WWTR1: variants seen among roughly 807,000 people sequenced by gnomAD.
WWTR1 encodes WW domain-containing transcription regulator protein 1.
A neutral mutation model predicts 40.1 loss-of-function variants in WWTR1; 13 were observed. The observed-to-expected ratio is 0.32, with a 90% CI of 0.21 to 0.52. The LOEUF is 0.52. Among genes scored for constraint, WWTR1 ranks in the 20% least tolerant of loss-of-function variants. The probability of loss-of-function intolerance (pLI) is 0.97; values close to 1 mark genes in which losing one functional copy is unlikely to be tolerated. For missense variants in WWTR1, 436 were observed against 523.1 expected (o/e 0.83, Z 1.63); for synonymous variants, 230 against 210.1 (o/e 1.09, Z -0.82).
intron 2 of WWTR1, among the ~76,000 whole-genome samples, chr3:149,625,777 C>T (rs1005213212): frequency 3.3e-5 from 5 of 150,866 alleles, no homozygotes; most frequent in Admixed American, 1.3e-4. Context: ...GGCGACACAG[C>T]GAGATTCCAA....
chr3:149,634,102 G>T (rs1259939456), intron 2 of WWTR1, among the ~76,000 whole-genome samples: 2 of 151,888 alleles, frequency 1.3e-5, no homozygotes. Context: ...AAAGATGAGA[G>T]GTCCAGAAAG....
At chr3:149,724,721 TTC>T (rs969683314) in exon 3 of WWTR1, 6 of 152,250 alleles carry the variant, frequency 3.9e-5, no homozygotes, top group African/African-American at 1.4e-4. Context: ...GTAGCCATGT[TTC>T]TCTTTCACAT....
chr3:149,686,948 T>C (rs1301021952), intron 1 of WWTR1, among the ~76,000 whole-genome samples: 2 of 152,306 alleles, frequency 1.3e-5, no homozygotes, highest in East Asian at 3.9e-4. Flanking sequence ...GCTTTACCTA[T>C]ATACTCTGTC....
chr3:149,622,815 G>A (rs948342757), intron 2 of WWTR1, among the ~76,000 whole-genome samples: 3 of 152,114 alleles, frequency 2.0e-5, no homozygotes, highest in Admixed American at 6.5e-5. Flanking sequence ...ACTTGAGCCC[G>A]AGAGGCAGAG....
chr3:149,659,350 T>TTTTTTTTTTTTTA (rs1713462576), upstream of WWTR1: 1 of 148,486 alleles, frequency 6.7e-6, no homozygotes, highest in Non-Finnish European at 1.5e-5. Flanking sequence ...TTTTTTTTTT[T>TTTTTTTTTTTTTA]GAGTGACGTC....
rs190540720 is a variant in WWTR1 at position 149,538,061 on chromosome 3, C to T, written c.771+4274G>A. 7.7e-4 allele frequency among the ~76,000 whole-genome samples: 116 copies of T among 151,450 alleles called. 1 individual carries two copies. In the Middle Eastern group the frequency reaches 0.01, roughly 13 times the overall value. ...CAGCCTCCTGAGTAGCTGAGACTAC[C>T]GGCACCCGCCATTATGTCTGGCTAA... On this transcript the variant is annotated intron_variant, in intron 4 of 6. Transcript: ENST00000360632.
chr3:149,624,996 G>A (rs191873823), intron 2 of WWTR1, among the ~76,000 whole-genome samples: 32 of 151,494 alleles, frequency 2.1e-4, no homozygotes, highest in African/African-American at 7.0e-4. Flanking sequence ...CTCCCAAAGC[G>A]CTGGGATTAT....
intron 2 of WWTR1, among the ~76,000 whole-genome samples, chr3:149,582,935 G>T (rs1346983712): frequency 6.6e-6 from 1 of 152,086 alleles, no homozygotes; most frequent in Non-Finnish European, 1.5e-5. Context: ...GTAGAGAAAA[G>T]ATGAGACGCT....
In WWTR1 at chr3:149,702,027, C is replaced by T. The variant is rs187891189; in HGVS notation, c.-108+1097G>A. The T allele has an allele frequency of 1.0e-4, 17 of 169,748 alleles. No individual in the cohort carries two copies. In the East Asian group the frequency reaches 1.8e-3, roughly 18 times the overall value. The allele number at this position is 169,748 out of a possible 1,614,324, so 10.5% of individuals were successfully genotyped here. On this transcript the variant is annotated intron_variant, in intron 1 of 7. Coordinates refer to the WWTR1 transcript ENST00000465804. ...TCTCCCTTAAAATTGGTTTCAACTC[C>T]TCCTGCAAATAAAATAAATGAAGTG...
intron 1 of WWTR1, among the ~76,000 whole-genome samples, chr3:149,677,990 C>T (rs543600509): frequency 6.6e-6 from 1 of 151,462 alleles, no homozygotes; most frequent in Admixed American, 6.6e-5. Context: ...AGGCTGATCT[C>T]GAACTCCTGA....
At chr3:149,668,816 A>C (rs1418084848) in intron 2 of WWTR1, among the ~76,000 whole-genome samples, 1 of 152,150 alleles carries the variant, frequency 6.6e-6, no homozygotes, top group African/African-American at 2.4e-5. Context: ...ACTCACCAAA[A>C]AGTCACCTTG....
At chr3:149,583,379 C>T (rs1049370043) in intron 2 of WWTR1, among the ~76,000 whole-genome samples, 2 of 152,098 alleles carry the variant, frequency 1.3e-5, no homozygotes, top group Non-Finnish European at 2.9e-5. Flanking sequence ...CAGTTCCAAA[C>T]TCAGTTTTCT....
intron 4 of WWTR1, among the ~76,000 whole-genome samples, chr3:149,719,224 A>C (rs1428824122): frequency 1.3e-5 from 2 of 148,470 alleles, no homozygotes; most frequent in Middle Eastern, 3.5e-3. Flanking sequence ...GCTGGGGTGC[A>C]GTGGCATCAT....
At chr3:149,690,814 C>G (rs760708296) in intron 1 of WWTR1, among the ~76,000 whole-genome samples, 4 of 152,194 alleles carry the variant, frequency 2.6e-5, no homozygotes, top group Non-Finnish European at 5.9e-5. Flanking sequence ...ACAGAATTAA[C>G]ATTCTTCTCC....
intron 1 of WWTR1, among the ~76,000 whole-genome samples, chr3:149,686,048 T>G (rs187537583): frequency 6.6e-6 from 1 of 152,324 alleles, no homozygotes; most frequent in East Asian, 1.9e-4. Flanking sequence ...TCAATTACCA[T>G]GCCTTCAGCC....
At chr3:149,612,154 T>A (rs1248730578) in intron 2 of WWTR1, among the ~76,000 whole-genome samples, 1 of 152,182 alleles carries the variant, frequency 6.6e-6, no homozygotes, top group African/African-American at 2.4e-5. Context: ...GAAATTCTGA[T>A]AATCAAACAC....
chr3:149,578,312 A>G (rs576106784), intron 2 of WWTR1, among the ~76,000 whole-genome samples: 1 of 152,238 alleles, frequency 6.6e-6, no homozygotes, highest in South Asian at 2.1e-4. Flanking sequence ...TAAAAAAGCT[A>G]ACAATATACT....
At chr3:149,697,401 G>T (rs1430040282) in intron 1 of WWTR1, among the ~76,000 whole-genome samples, 1 of 151,842 alleles carries the variant, frequency 6.6e-6, no homozygotes, top group Non-Finnish European at 1.5e-5. Context: ...ATTCACGAGG[G>T]ATCATGACAA....
intron 1 of WWTR1, among the ~76,000 whole-genome samples, chr3:149,676,232 G>A (rs568201493): frequency 6.9e-6 from 1 of 145,660 alleles, no homozygotes; most frequent in African/African-American, 2.6e-5. Flanking sequence ...TTCAGAACAG[G>A]AATTCTGATT....
Sources: gnomAD v4.1 joint callset for allele counts (sites outside exome capture counted in the v4.1 genomes callset) on GRCh38, gnomAD v4.1.1 for gene constraint, MANE v1.5 for transcripts, NCBI Gene and HGNC (gene_info 2026-07-23, HGNC 2026-07-21) for gene names.